PAPOLA: variants seen among roughly 807,000 people sequenced by gnomAD.
PAPOLA encodes poly(A) polymerase alpha.
Under a neutral mutation model 100.6 loss-of-function variants are expected in PAPOLA, and 15 were observed. The ratio of observed to expected loss-of-function variants is 0.15; its 90% confidence interval spans 0.10 to 0.23. PAPOLA has a LOEUF of 0.23. Ranked by LOEUF, PAPOLA falls within the 10% of genes least tolerant of loss-of-function variation. The pLI is 1.00. For synonymous variants in PAPOLA, 293 were observed against 300.0 expected, an observed-to-expected ratio of 0.98 and a Z score of 0.24; for missense variants, 533 against 884.2, an observed-to-expected ratio of 0.60 and a Z score of 5.04.
intron 12 of PAPOLA, among the ~76,000 whole-genome samples, chr14:96,539,921 G>A (rs868055741): frequency 2.2e-4 from 33 of 151,920 alleles, no homozygotes; most frequent in Middle Eastern, 6.8e-3. Flanking sequence ...CTTAACTATT[G>A]CATTTTATAT....
Position 96,527,557 on chromosome 14 carries a change from G to A in PAPOLA, c.441+18G>A. ...ATTTAAGAGTGCGTAAATGTTCGGG[G>A]TGAAATGGGATGAGTTATGAACATT... On this transcript the variant is annotated intron_variant, in intron 5 of 21. Transcript: ENST00000216277. 8.0e-7 allele frequency: 1 copy of A among 1,255,426 alleles called. No homozygotes were observed. The highest frequency in any genetic ancestry group is 1.2e-6 in the Non-Finnish European group (1 of 853,908). The allele number at this position is 1,255,426 out of a possible 1,614,324, so 77.8% of individuals were successfully genotyped here. A position where few individuals can be genotyped will look rare whatever the true frequency, so the allele number is the denominator to read the frequency against.
At chr14:96,532,066 A>G in intron 7 of PAPOLA, 1 of 1,277,116 alleles carries the variant, frequency 7.8e-7, no homozygotes, top group Non-Finnish European at 9.8e-7. Context: ...TCTGAAGTTC[A>G]AATTGGGGCA....
chr14:96,547,458 C>G (rs1401278562), intron 15 of PAPOLA, among the ~76,000 whole-genome samples: 2 of 152,086 alleles, frequency 1.3e-5, no homozygotes, highest in African/African-American at 2.4e-5. Context: ...AAGAATAGTA[C>G]TGGTAGCATA....
intron 1 of PAPOLA, among the ~76,000 whole-genome samples, chr14:96,516,822 A>G (rs1471576101): frequency 6.6e-6 from 1 of 152,254 alleles, no homozygotes; most frequent in African/African-American, 2.4e-5. Flanking sequence ...AGGCTGAACA[A>G]GTCTTGTGCG....
intron 15 of PAPOLA, among the ~76,000 whole-genome samples, chr14:96,546,776 A>G (rs1900426271): frequency 6.6e-6 from 1 of 151,960 alleles, no homozygotes; most frequent in African/African-American, 2.4e-5. Flanking sequence ...GTGTGTTGAG[A>G]GTTTTTGGGA....
intron 16 of PAPOLA, among the ~76,000 whole-genome samples, chr14:96,551,363 A>G (rs1429102601): frequency 2.0e-5 from 3 of 152,166 alleles, no homozygotes; most frequent in African/African-American, 7.2e-5. Context: ...AATAGAAGAG[A>G]TACTCATTTA....
chr14:96,537,974 T>G (rs1899675686), intron 12 of PAPOLA: 1 of 152,038 alleles, frequency 6.6e-6, no homozygotes, highest in South Asian at 2.1e-4. Context: ...AATTGTGTTC[T>G]CGAAGCACTA....
intron 13 of PAPOLA, 118 bp from the exon 14 acceptor site, chr14:96,542,656 G>A: frequency 1.1e-6 from 1 of 944,704 alleles, no homozygotes; most frequent in South Asian, 1.9e-5. Context: ...TAGAACATAA[G>A]GCTTCTGGTT....
At chr14:96,548,614 A>G (rs1478345271) in intron 16 of PAPOLA, among the ~76,000 whole-genome samples, 1 of 152,216 alleles carries the variant, frequency 6.6e-6, no homozygotes, top group African/African-American at 2.4e-5. Flanking sequence ...AATGAACTAC[A>G]ACTGCATATA....
At chr14:96,528,442 A>G (rs967379562) in intron 6 of PAPOLA, among the ~76,000 whole-genome samples, 2 of 152,222 alleles carry the variant, frequency 1.3e-5, no homozygotes, top group Admixed American at 1.3e-4. Flanking sequence ...TCTTGAGATG[A>G]TGTTCATTTC....
At chr14:96,535,206 C>A (rs1899412357) in intron 10 of PAPOLA, 1 of 901,108 alleles carries the variant, frequency 1.1e-6, no homozygotes, top group Non-Finnish European at 1.3e-6. Flanking sequence ...TTATGAAATC[C>A]TTTTTTTCTA....
intron 1 of PAPOLA, among the ~76,000 whole-genome samples, chr14:96,517,467 A>G (rs1897559380): frequency 6.6e-6 from 1 of 152,176 alleles, no homozygotes; most frequent in African/African-American, 2.4e-5. Flanking sequence ...GATTATGCTA[A>G]TGGAACTACA....
At chr14:96,564,162 T>C (rs10136266) in intron 21 of PAPOLA, among the ~76,000 whole-genome samples, 39,208 of 152,024 alleles carry the variant, frequency 0.26, 5,566 homozygotes, top group African/African-American at 0.39. Context: ...CTATACCTAA[T>C]AAAGAGTTCT....
chr14:96,521,183 A>G, intron 3 of PAPOLA, 111 bp downstream of exon 3: 1 of 668,708 alleles, frequency 1.5e-6, no homozygotes, highest in African/African-American at 1.8e-5. Context: ...TTTAATGTGG[A>G]GTCAATTTTA....
At position 96,566,751 on chromosome 14, in the gene PAPOLA, T is replaced by C. The variant is rs1319613005; in HGVS notation, c.*1701T>C. 1.3e-5 allele frequency: 2 copies of C among 152,618 alleles called. No homozygotes were observed. The highest frequency in any genetic ancestry group is 2.9e-5 in the Non-Finnish European group (2 of 68,008). 9.5% of individuals were successfully genotyped at this position (152,618 alleles called of 1,614,324 possible). On this transcript the variant is annotated 3_prime_UTR_variant, in exon 22 of 22. Coordinates refer to ENST00000216277, the MANE Select transcript of PAPOLA (RefSeq NM_032632.5). ...GATGGTCATACTAACAGGTGAAATG[T>C]ACAAGGTGTCTGTGTGTTTTGTGTA... is the stretch of plus-strand genomic sequence containing the variant.
intron 1 of PAPOLA, chr14:96,504,746 A>G (rs1896594775): frequency 6.6e-6 from 1 of 152,208 alleles, no homozygotes; most frequent in Admixed American, 6.5e-5. Context: ...AGACCAAAGA[A>G]TGCCTAGTTA....
rs1595510752 is a variant in PAPOLA at position 96,520,368 on chromosome 14, A to T, written c.182+140A>T. 11 of 647,616 alleles carry T rather than the reference A, an allele frequency of 1.7e-5. No individual in the cohort carries two copies. The East Asian group carries it at 3.1e-4, about 18-fold the overall frequency. 40.1% of individuals were successfully genotyped at this position (647,616 alleles called of 1,614,324 possible). ...TATATCTGTTTTGGAGAAGAGGGAT[A>T]CTTAAGAGAGAAAACTTTTTGTTTT... On this transcript the variant is annotated intron_variant, in intron 2 of 21. Coordinates refer to ENST00000216277, the MANE Select transcript of PAPOLA (RefSeq NM_032632.5).
At chr14:96,556,027 TAAGTAGTTG>T in intron 18 of PAPOLA, 80 bp downstream of exon 18, 1 of 1,189,248 alleles carries the variant, frequency 8.4e-7, no homozygotes, top group South Asian at 1.3e-5. Context: ...GTGGGTTTGT[TAAGTAGTTG>T]AAATTCAGTT....
At position 96,527,469 on chromosome 14, in the gene PAPOLA, T is replaced by C; in HGVS notation, c.371T>C (p.Val124Ala). The change falls in exon 5 of 22, where the codon GTT becomes GCT. Residue 124 changes from valine to alanine, a missense_variant. Physicochemically the swap from Val to Ala is moderately conservative, Grantham distance 64 (BLOSUM62 0). Around this residue, in one of 9 missense-constraint regions of PAPOLA, gnomAD observed 54 missense variants for 133.2 expected, o/e 0.41. Coordinates refer to ENST00000216277, the MANE Select transcript of PAPOLA (RefSeq NM_032632.5). ...IDALCVAPRHVDRSDFFTSFY... is the reference protein window; with the variant it reads ...IDALCVAPRHADRSDFFTSFY... ...GCGTTGTGTGTTGCACCAAGACATG[T>C]TGATCGAAGTGACTTTTTCACCTCA... is the stretch of plus-strand genomic sequence containing the variant. 1 of 1,613,302 alleles carries C rather than the reference T, an allele frequency of 6.2e-7. No homozygotes were observed. The highest frequency in any genetic ancestry group is 8.5e-7 in the Non-Finnish European group (1 of 1,179,250).
Sources: gnomAD v4.1 joint callset for allele counts (sites outside exome capture counted in the v4.1 genomes callset) on GRCh38, gnomAD v4.1.1 for gene constraint, gnomAD v4.1.1 regional missense constraint, MANE v1.5 for transcripts, NCBI Gene and HGNC (gene_info 2026-07-23, HGNC 2026-07-21) for gene names.